Variants in LIN28B observed in about 807,000 individuals in gnomAD.
LIN28B encodes the protein lin-28 RNA binding posttranscriptional regulator B.
LIN28B carries 5 observed loss-of-function variants against 21.9 expected under a neutral mutation model. The ratio of observed to expected loss-of-function variants is 0.23; its 90% CI spans 0.12 to 0.48. LIN28B has a LOEUF of 0.48. LIN28B is among the 20% of genes least tolerant of loss of function. The pLI is 0.98. For synonymous variants in LIN28B, 109 were observed against 111.3 expected (o/e 0.98, Z 0.13); for missense variants, 245 against 310.5 (o/e 0.79, Z 1.58).
At chr6:104,972,383 TATTA>T (rs906942389) in intron 2 of LIN28B, among the ~76,000 whole-genome samples, 2 of 152,224 alleles carry the variant, frequency 1.3e-5, no homozygotes, top group Non-Finnish European at 2.9e-5. Context: ...CAAAATTTGG[TATTA>T]ATTAATAACA....
At chr6:105,020,919 AT>A (rs879924504) in intron 2 of LIN28B, among the ~76,000 whole-genome samples, 8 of 150,292 alleles carry the variant, frequency 5.3e-5, no homozygotes, top group African/African-American at 9.8e-5. Context: ...CGCCCGGCTA[AT>A]TTTTTTTTGT....
intron 2 of LIN28B, among the ~76,000 whole-genome samples, chr6:104,973,570 T>C (rs1221098618): frequency 7.9e-5 from 12 of 152,202 alleles, no homozygotes; most frequent in Non-Finnish European, 2.9e-5. Flanking sequence ...CCTGAGGCCC[T>C]GGCTTTAGAG....
At chr6:105,067,395 G>A (rs1473173076) in intron 3 of LIN28B, among the ~76,000 whole-genome samples, 1 of 152,170 alleles carries the variant, frequency 6.6e-6, no homozygotes, top group Non-Finnish European at 1.5e-5. Context: ...GTGTATATGT[G>A]TGTGTGTTAC....
chr6:105,073,194 G>A (rs1772365905), intron 3 of LIN28B, among the ~76,000 whole-genome samples: 1 of 151,964 alleles, frequency 6.6e-6, no homozygotes, highest in Non-Finnish European at 1.5e-5. Context: ...TAAATAACAA[G>A]TATTAAAACA....
At chr6:105,060,437 A>G (rs1177583613) in intron 3 of LIN28B, among the ~76,000 whole-genome samples, 1 of 152,080 alleles carries the variant, frequency 6.6e-6, no homozygotes, top group Non-Finnish European at 1.5e-5. Flanking sequence ...ACCTATAATT[A>G]ATTTTTTGTT....
At chr6:105,053,500 A>T (rs1029490819) in intron 3 of LIN28B, among the ~76,000 whole-genome samples, 1 of 151,472 alleles carries the variant, frequency 6.6e-6, no homozygotes, top group Non-Finnish European at 1.5e-5. Context: ...TTGAGTGCTA[A>T]CATTGTTTGC....
intron 3 of LIN28B, among the ~76,000 whole-genome samples, chr6:105,066,782 G>C (rs1382486514): frequency 6.6e-6 from 1 of 151,314 alleles, no homozygotes; most frequent in Non-Finnish European, 1.5e-5. Flanking sequence ...CTTGTGCTCT[G>C]GTCAAATGTC....
chr6:104,937,446 T>C (rs1778023513), intron 2 of LIN28B, among the ~76,000 whole-genome samples: 1 of 152,112 alleles, frequency 6.6e-6, no homozygotes, highest in Admixed American at 6.5e-5. Context: ...GCCTGATTTT[T>C]TGTAGAGACG....
At chr6:104,998,262 G>A (rs935585901) in intron 2 of LIN28B, among the ~76,000 whole-genome samples, 1 of 152,090 alleles carries the variant, frequency 6.6e-6, no homozygotes, top group Non-Finnish European at 1.5e-5. Flanking sequence ...TGTAATTGAA[G>A]TCCTGTGACT....
chr6:104,980,960 GTCTTCTGGGTGTTTAGCCCAT>G, intron 2 of LIN28B, among the ~76,000 whole-genome samples: 1 of 151,924 alleles, frequency 6.6e-6, no homozygotes, highest in Admixed American at 6.6e-5. Flanking sequence ...TTTCTCTCTT[GTCTTCTGGGTGTTTAGCCCAT>G]TCTTAAGATA....
intron 3 of LIN28B, among the ~76,000 whole-genome samples, chr6:105,072,139 A>G (rs897215041): frequency 9.2e-5 from 14 of 152,090 alleles, no homozygotes; most frequent in African/African-American, 3.1e-4. Flanking sequence ...GATCCTAGAT[A>G]TTTTAGACTT....
At chr6:104,967,669 T>C (rs1373450519) in intron 2 of LIN28B, among the ~76,000 whole-genome samples, 1 of 147,502 alleles carries the variant, frequency 6.8e-6, no homozygotes, top group Non-Finnish European at 1.5e-5. Flanking sequence ...AATTTTTATT[T>C]AATTAATTAT....
chr6:105,058,193 G>A (rs905545187), intron 3 of LIN28B: 9 of 270,908 alleles, frequency 3.3e-5, no homozygotes, highest in Non-Finnish European at 1.5e-5. Flanking sequence ...CTCAGCTTGA[G>A]TTGTAGCCCC....
In LIN28B at chr6:104,999,112, G is replaced by C. The variant is rs140328509; in HGVS notation, c.199-27186G>C. On this transcript the variant is annotated intron_variant, in intron 2 of 3. Coordinates refer to ENST00000345080, the MANE Select transcript of LIN28B (RefSeq NM_001004317.4). ...TATAGAAATTAAAGAACTGAAATTT[G>C]AAAGCAACATTTAGTAGATGAAAGT... Among the ~76,000 whole-genome samples the C allele has an allele frequency of 1.7e-3, 256 of 152,228 alleles. 2 individuals carry two copies. The highest frequency in any genetic ancestry group is 6.8e-3 in the Middle Eastern group (2 of 294).
intron 2 of LIN28B, among the ~76,000 whole-genome samples, chr6:104,989,632 C>T (rs1190639): frequency 0.02 from 2,380 of 117,240 alleles, 73 homozygotes; most frequent in African/African-American, 0.071. Context: ...CTCACTGTGT[C>T]GCCCAGGCTA....
chr6:104,940,220 T>C (rs1180451461), intron 2 of LIN28B: 1 of 169,036 alleles, frequency 5.9e-6, no homozygotes, highest in Non-Finnish European at 1.5e-5. Flanking sequence ...GCATCTGTAG[T>C]AAAAGAAAAG....
intron 2 of LIN28B, among the ~76,000 whole-genome samples, chr6:104,988,767 T>C (rs1770401142): frequency 1.3e-5 from 2 of 152,040 alleles, no homozygotes. Flanking sequence ...TTAGTAGAGA[T>C]GGAGTTTCCC....
At chr6:105,054,061 C>T (rs1562108329) in intron 3 of LIN28B, among the ~76,000 whole-genome samples, 1 of 147,742 alleles carries the variant, frequency 6.8e-6, no homozygotes, top group African/African-American at 2.5e-5. Flanking sequence ...TGTTTGTTTC[C>T]TTTTAATTTC....
In LIN28B at chr6:104,994,937, T is replaced by C. The variant is rs73771044; in HGVS notation, c.199-31361T>C. Among the ~76,000 whole-genome samples the C allele has an allele frequency of 4.1e-3, 627 of 152,318 alleles. 2 individuals carry two copies. Among genetic ancestry groups the C allele is most frequent in the African/African-American group, 0.015 (617 of 41,556 alleles). ...TCTTGCTGTATTGCAGACTGAGTTA[T>C]CCCTAACTGGAAAATCTCAAATCCA... is the stretch of plus-strand genomic sequence containing the variant. On this transcript the variant is annotated intron_variant, in intron 2 of 3. Coordinates refer to ENST00000345080, the MANE Select transcript of LIN28B (RefSeq NM_001004317.4).
Sources: allele counts gnomAD v4.1 joint callset (sites outside exome capture counted in the v4.1 genomes callset), GRCh38; gene constraint gnomAD v4.1.1; transcripts MANE v1.5; gene names NCBI Gene and HGNC (gene_info 2026-07-23, HGNC 2026-07-21).